The following KLHL5 variants were observed in gnomAD, a reference collection of about 807,000 sequenced individuals.
KLHL5 encodes kelch like family member 5.
A neutral mutation model predicts 77.7 loss-of-function variants in KLHL5; 48 were observed. The observed-to-expected ratio is 0.62, with a 90% CI of 0.49 to 0.79. KLHL5 has a LOEUF of 0.79. KLHL5 is among the 30% of genes least tolerant of loss of function. The probability of loss-of-function intolerance (pLI) is 0.00; values close to 1 mark genes in which losing one functional copy is unlikely to be tolerated. For synonymous variants in KLHL5, 260 were observed against 297.0 expected (o/e 0.88, Z 1.28); for missense variants, 723 against 859.7 (o/e 0.84, Z 1.99).
intron 1 of KLHL5, among the ~76,000 whole-genome samples, chr4:39,046,612 A>G (rs975081099): frequency 3.3e-5 from 5 of 152,104 alleles, no homozygotes; most frequent in African/African-American, 1.2e-4. Context: ...ACAAAGTTTC[A>G]TTTTGTTTCT....
intron 1 of KLHL5, among the ~76,000 whole-genome samples, chr4:39,072,212 C>T (rs115291538): frequency 0.011 from 1,572 of 146,020 alleles, 31 homozygotes; most frequent in African/African-American, 0.042. Flanking sequence ...CAGGCCTTCC[C>T]ATTGGCCACT....
intron 10 of KLHL5, among the ~76,000 whole-genome samples, chr4:39,118,062 A>C (rs1269665721): frequency 3.3e-5 from 5 of 150,826 alleles, no homozygotes; most frequent in African/African-American, 2.4e-5. Flanking sequence ...CTCCATCTAA[A>C]AAAAAAAAAA....
In KLHL5 at chr4:39,086,613, TGAG is replaced by T. The variant is rs774784995; in HGVS notation, c.1003_1005del (p.Glu335del). 6.2e-7 allele frequency: 1 copy of T among 1,613,886 alleles called. No homozygotes were observed. The highest frequency in any genetic ancestry group is 8.5e-7 in the Non-Finnish European group (1 of 1,179,840). ...CTAGTGATGACATGAACATTCCTAATGAGGAGACAATATTGAATGCACTTCTTA... is the reference window on the plus strand; with the variant it reads ...CTAGTGATGACATGAACATTCCTAATGAGACAATATTGAATGCACTTCTTA... On this transcript the variant is annotated inframe_deletion, in exon 5 of 11. Transcript: ENST00000504108.
chr4:39,104,251 A>G (rs746582861), intron 7 of KLHL5, among the ~76,000 whole-genome samples: 5 of 152,308 alleles, frequency 3.3e-5, no homozygotes, highest in Admixed American at 1.3e-4. Context: ...CAGAGGGTTA[A>G]GGCAAAGACA....
downstream of KLHL5, chr4:39,126,560 C>T (rs1468265536): frequency 1.7e-5 from 6 of 356,082 alleles, no homozygotes; most frequent in Admixed American, 3.8e-5. Context: ...TTTGGGCTAA[C>T]GAGGTATAAT....
At chr4:39,136,742 G>C in the KLHL5 span, among the ~76,000 whole-genome samples, 1 of 152,190 alleles carries the variant, frequency 6.6e-6, no homozygotes, top group African/African-American at 2.4e-5. Context: ...TGGGGGATTA[G>C]AGCCTGGGCA....
downstream of KLHL5, among the ~76,000 whole-genome samples, chr4:39,128,561 A>T (rs1723658265): frequency 6.6e-6 from 1 of 152,224 alleles, no homozygotes; most frequent in Non-Finnish European, 1.5e-5. Flanking sequence ...GTTTCAAATT[A>T]AAAATGCCAG....
At chr4:39,138,877 T>G in the KLHL5 span, among the ~76,000 whole-genome samples, 1 of 152,196 alleles carries the variant, frequency 6.6e-6, no homozygotes, top group African/African-American at 2.4e-5. Flanking sequence ...AGGAACAAGA[T>G]GTTTACATCG....
chr4:39,101,857 A>ATATAT (rs1553892980), intron 6 of KLHL5, among the ~76,000 whole-genome samples: 61 of 122,736 alleles, frequency 5.0e-4, no homozygotes, highest in East Asian at 4.7e-3. Context: ...AAAAAAAAAA[A>ATATAT]AAATATATAT....
chr4:39,120,899 G>A (rs1723165368), intron 10 of KLHL5, 111 bp from the exon 11 acceptor site: 3 of 828,672 alleles, frequency 3.6e-6, no homozygotes, highest in Non-Finnish European at 6.0e-6. Context: ...AGGGGCCAGG[G>A]CAACAACCCT....
chr4:39,059,233 AT>A (rs1560405384), upstream of KLHL5, among the ~76,000 whole-genome samples: 1 of 152,280 alleles, frequency 6.6e-6, no homozygotes, highest in East Asian at 1.9e-4. Context: ...CTTACTTCAT[AT>A]TTTTATAAAG....
At chr4:39,083,640 A>G (rs1018722538) in intron 4 of KLHL5, among the ~76,000 whole-genome samples, 2 of 152,158 alleles carry the variant, frequency 1.3e-5, no homozygotes, top group Non-Finnish European at 1.5e-5. Flanking sequence ...TTAACCATAC[A>G]CCTGCAGTTT....
intron 6 of KLHL5, among the ~76,000 whole-genome samples, chr4:39,102,503 A>G (rs1392675530): frequency 1.2e-5 from 1 of 85,162 alleles, no homozygotes; most frequent in African/African-American, 4.7e-5. Context: ...TGCTTATTGC[A>G]GTAGAATATG....
At chr4:39,105,804 G>A (rs1433266477) in intron 7 of KLHL5, among the ~76,000 whole-genome samples, 1 of 150,840 alleles carries the variant, frequency 6.6e-6, no homozygotes, top group Non-Finnish European at 1.5e-5. Flanking sequence ...TACTGGTGGG[G>A]CACAATATAT....
intron 1 of KLHL5, among the ~76,000 whole-genome samples, chr4:39,070,890 A>T (rs547839750): frequency 2.0e-5 from 3 of 150,458 alleles, no homozygotes; most frequent in Non-Finnish European, 3.0e-5. Flanking sequence ...AGACATTTCA[A>T]TTCTCACCTA....
At chr4:39,083,121 T>G (rs1241008875) in intron 4 of KLHL5, among the ~76,000 whole-genome samples, 2 of 152,146 alleles carry the variant, frequency 1.3e-5, no homozygotes, top group African/African-American at 4.8e-5. Context: ...TTCCACTGAG[T>G]TGGGATATGA....
chr4:39,133,825 C>G, the KLHL5 span: 2 of 152,096 alleles, frequency 1.3e-5, no homozygotes, highest in African/African-American at 4.8e-5. Flanking sequence ...GGAACACAGA[C>G]ATGCTCATTT....
chr4:39,094,142 A>G (rs1435930315), intron 5 of KLHL5, among the ~76,000 whole-genome samples: 1 of 152,094 alleles, frequency 6.6e-6, no homozygotes, highest in Non-Finnish European at 1.5e-5. Flanking sequence ...AACTATCCCT[A>G]TTTGGTGACA....
In KLHL5 at chr4:39,122,547, A is replaced by G. The variant is rs1723268463; in HGVS notation, c.*1481A>G. 6.6e-6 allele frequency among the ~76,000 whole-genome samples: 1 copy of G among 152,156 alleles called. No homozygotes were observed. Among genetic ancestry groups the G allele is most frequent in the South Asian group, 2.1e-4 (1 of 4,824 alleles). The stretch of plus-strand genomic sequence containing the variant: ...CGGCCGGGCACAGTGGCTCACGCCT[A>G]TAATTCCCAGCACTTTGGGAGGCTG... On this transcript the variant is annotated 3_prime_UTR_variant, in exon 11 of 11. Transcript: ENST00000504108.
Sources: allele counts gnomAD v4.1 joint callset (sites outside exome capture counted in the v4.1 genomes callset), GRCh38; gene constraint gnomAD v4.1.1; transcripts MANE v1.5; gene names NCBI Gene and HGNC (gene_info 2026-07-23, HGNC 2026-07-21).